Variants in MTG1 observed in about 807,000 individuals in gnomAD.
The protein encoded by MTG1 is mitochondrial ribosome-associated GTPase 1.
Under a neutral mutation model 39.5 loss-of-function variants are expected in MTG1, and 30 were observed. The ratio of observed to expected loss-of-function variants is 0.76; its 90% CI spans 0.57 to 1.03. MTG1 has a LOEUF of 1.03. Ranked by LOEUF, MTG1 falls within the 50% of genes least tolerant of loss-of-function variation. MTG1 has a pLI of 0.00. For synonymous variants in MTG1, 217 were observed against 179.0 expected (o/e 1.21, Z -1.69); for missense variants, 513 against 447.4 (o/e 1.15, Z -1.32).
intron 6 of MTG1, among the ~76,000 whole-genome samples, chr10:133,400,257 A>G (rs1026552259): frequency 1.3e-5 from 2 of 152,186 alleles, no homozygotes; most frequent in Non-Finnish European, 2.9e-5. Flanking sequence ...CGTGTGAAGT[A>G]GACGGGGCTG....
chr10:133,396,348 G>T, intron 3 of MTG1, 81 bp downstream of exon 3: 1 of 1,217,670 alleles, frequency 8.2e-7, no homozygotes, highest in Non-Finnish European at 1.2e-6. Flanking sequence ...AGAGTTGCCG[G>T]ACGCACACTT....
intron 9 of MTG1, 118 bp from the exon 10 acceptor site, chr10:133,419,362 C>A (rs1475083367): frequency 5.4e-6 from 4 of 740,752 alleles, no homozygotes; most frequent in Non-Finnish European, 6.6e-6. Context: ...CAGTCACTGT[C>A]ACCCACAGGA....
Position 133,402,666 on chromosome 10 carries a change from G to A in MTG1, c.671-26G>A. On this transcript the variant is annotated intron_variant, in intron 8 of 10. Transcript: ENST00000317502. The surrounding 1 kb of genome is among the most constrained non-coding windows in gnomAD (Gnocchi z 4.7). ...GAACATAGATGTGGCTGTTTCCAGT[G>A]CTCACCTCGGCTGCTGCTTCCACAG... The A allele has an allele frequency of 6.3e-7, 1 of 1,580,318 alleles. No homozygotes were observed. Among genetic ancestry groups the A allele is most frequent in the Middle Eastern group, 1.8e-4 (1 of 5,640 alleles).
chr10:133,399,694 T>C, intron 6 of MTG1, 75 bp downstream of exon 6: 1 of 1,483,300 alleles, frequency 6.7e-7, no homozygotes. Context: ...CCACCATCTT[T>C]CTTGGAGGGG....
chr10:133,399,523 GC>G lies in MTG1; in HGVS notation c.421-5del. On this transcript the variant is annotated splice_polypyrimidine_tract_variant and splice_region_variant and intron_variant, in intron 5 of 10. Coordinates refer to ENST00000317502, the MANE Select transcript of MTG1 (RefSeq NM_138384.4). ...GGCCCTGTGACCCCTCTCTCTGCCT[GC>G]GCAGAACCTGGAGTACTGTATCATG... 6.2e-7 allele frequency: 1 copy of G among 1,613,850 alleles called. No homozygotes were observed. Among genetic ancestry groups the G allele is most frequent in the Non-Finnish European group, 8.5e-7 (1 of 1,179,768 alleles).
intron 7 of MTG1, 149 bp downstream of exon 7, chr10:133,401,739 GC>G (rs1383971290): frequency 1.3e-6 from 1 of 771,138 alleles, no homozygotes; most frequent in Non-Finnish European, 2.2e-6. Flanking sequence ...GGCAGGCACT[GC>G]CCCTGCCCTT....
At position 133,402,790 on chromosome 10, in the gene MTG1, C is replaced by A; in HGVS notation, c.752+17C>A. The stretch of plus-strand genomic sequence containing the variant: ...GCGCTTTGGGTGAGTGCAGTGAATG[C>A]AGGGCAGCTGGGGCCCCTCCTCCTA... On this transcript the variant is annotated intron_variant, in intron 9 of 10. Transcript: ENST00000317502. This position sits in a 1 kb window ranked among gnomAD's most constrained non-coding sequence, Gnocchi z 4.7. 2.5e-6 allele frequency: 4 copies of A among 1,578,660 alleles called. No homozygotes were observed. The highest frequency in any genetic ancestry group is 3.4e-6 in the Non-Finnish European group (4 of 1,161,382).
rs1330399644 is a variant in MTG1, at chr10:133,401,573, G to A, written c.556G>A (p.Val186Met). Reference sequence around the variant, plus strand: ...TGGCGAGCCTGGGATCACCAGAGCTGTGATGTCCAAAATTCAGGTGGAGTC... The same window carrying A: ...TGGCGAGCCTGGGATCACCAGAGCTATGATGTCCAAAATTCAGGTGGAGTC... The part of the protein sequence containing the change: ...VGGEPGITRA[V>M]MSKIQVSERP... The change falls in exon 7 of 11, where the codon GTG becomes ATG. Residue 186 changes from valine (V) to methionine (M), a missense_variant. Coordinates refer to ENST00000317502, the MANE Select transcript of MTG1 (RefSeq NM_138384.4). The A allele has an allele frequency of 4.3e-6, 7 of 1,611,490 alleles. No homozygotes were observed. Among genetic ancestry groups the A allele is most frequent in the South Asian group, 1.1e-5 (1 of 90,902 alleles).
In MTG1 at chr10:133,394,515, C is replaced by T. The variant is rs944051787; in HGVS notation, c.112+183C>T. The T allele has an allele frequency of 3.8e-5, 50 of 1,330,742 alleles. 1 individual carries two copies. In the South Asian group the frequency reaches 7.5e-4, roughly 20 times the overall value. 82.4% of individuals were successfully genotyped at this position (1,330,742 alleles called of 1,614,324 possible). ...CCCGGAGCCGCCGGGACCCCTTCCC[C>T]TGCGCAGCTGCGGGAGAGGCCCGTT... On this transcript the variant is annotated intron_variant, in intron 1 of 10. Coordinates refer to ENST00000317502, the MANE Select transcript of MTG1 (RefSeq NM_138384.4).
At position 133,399,355 on chromosome 10, in the gene MTG1, C is replaced by T; in HGVS notation, c.420+129C>T. On this transcript the variant is annotated intron_variant, in intron 5 of 10. Coordinates refer to ENST00000317502, the MANE Select transcript of MTG1 (RefSeq NM_138384.4). Reference sequence around the variant, plus strand: ...GAGGCCCCTCCTTTGTCCTCTCATTCTCTTCAGTGGAAAGGGCCGAGGCCG... The same window carrying T: ...GAGGCCCCTCCTTTGTCCTCTCATTTTCTTCAGTGGAAAGGGCCGAGGCCG... The T allele has an allele frequency of 3.2e-6, 4 of 1,264,598 alleles. No homozygotes were observed. In the South Asian group the frequency reaches 4.9e-5, roughly 16 times the overall value. The allele number at this position is 1,264,598 out of a possible 1,614,324, so 78.3% of individuals were successfully genotyped here.
chr10:133,415,699 TC>T (rs1225965490), intron 9 of MTG1, among the ~76,000 whole-genome samples: 1 of 152,252 alleles, frequency 6.6e-6, no homozygotes, highest in Non-Finnish European at 1.5e-5. Context: ...TTCTATGTGT[TC>T]CTTGTGCTTG....
intron 3 of MTG1, among the ~76,000 whole-genome samples, chr10:133,397,770 G>A (rs951873696): frequency 1.4e-5 from 2 of 137,978 alleles, no homozygotes; most frequent in Non-Finnish European, 1.5e-5. Flanking sequence ...GAGTCACTGC[G>A]TCCAGCCTGT....
intron 3 of MTG1, among the ~76,000 whole-genome samples, 200 bp downstream of exon 3, chr10:133,396,467 C>G (rs887903609): frequency 2.6e-5 from 4 of 152,188 alleles, no homozygotes; most frequent in African/African-American, 4.8e-5. Flanking sequence ...TGGTTCGTGA[C>G]CTGGACACCC....
At chr10:133,394,779 GC>G in intron 1 of MTG1, 1 of 972,014 alleles carries the variant, frequency 1.0e-6, no homozygotes, top group Non-Finnish European at 1.2e-6. Flanking sequence ...TCGTTCTCCT[GC>G]TTAACGTCTT....
At chr10:133,398,542 G>C in intron 4 of MTG1, 27 bp downstream of exon 4, 1 of 1,600,970 alleles carries the variant, frequency 6.2e-7, no homozygotes, top group Non-Finnish European at 8.5e-7. Context: ...TGCTCTCTCT[G>C]ACGCTTCTGC....
intron 9 of MTG1, among the ~76,000 whole-genome samples, chr10:133,413,776 A>C (rs1049496306): frequency 3.9e-5 from 6 of 152,122 alleles, no homozygotes; most frequent in Non-Finnish European, 1.5e-5. Flanking sequence ...TTTTACCTTT[A>C]CATATTTTAT....
rs1472221653 is a variant in MTG1 at position 133,402,396 on chromosome 10, A to C, written c.670+151A>C. On this transcript the variant is annotated intron_variant, in intron 8 of 10. Transcript: ENST00000317502. The surrounding 1 kb of genome is among the most constrained non-coding windows in gnomAD (Gnocchi z 4.7). ...GACCTTCCTCGAAGCTTAGTGTGAG[A>C]GCTGTAATAGTGCACAGCTGACAGG... 1 of 871,018 alleles carries C rather than the reference A, an allele frequency of 1.1e-6. No individual in the cohort carries two copies. The highest frequency in any genetic ancestry group is 1.6e-5 in the African/African-American group (1 of 60,748). 54.0% of individuals were successfully genotyped at this position (871,018 alleles called of 1,614,324 possible). A position where few individuals can be genotyped will look rare whatever the true frequency, so the allele number is the denominator to read the frequency against.
intron 9 of MTG1, among the ~76,000 whole-genome samples, chr10:133,416,228 G>A (rs915684955): frequency 3.9e-5 from 6 of 151,930 alleles, no homozygotes; most frequent in Admixed American, 1.3e-4. Context: ...AGTTTGGATC[G>A]TTTTAAAAAA....
In MTG1 at chr10:133,420,114, G is replaced by A. The variant is rs966145699; in HGVS notation, c.954G>A (p.Met318Ile). ...TFRRGLLGSV[M>I]LDLDVLRGHP... Reference sequence around the variant, plus strand: ...GCCGTGGGCTGCTGGGTTCCGTGATGCTGGACCTCGACGTCCTGCGGGGCC... The same window carrying A: ...GCCGTGGGCTGCTGGGTTCCGTGATACTGGACCTCGACGTCCTGCGGGGCC... The change falls in exon 11 of 11, where the codon ATG becomes ATA. Residue 318 changes from methionine to isoleucine, a missense_variant. Transcript: ENST00000317502. The A allele has an allele frequency of 6.2e-6, 10 of 1,613,266 alleles. No homozygotes were observed. Among genetic ancestry groups the A allele is most frequent in the Non-Finnish European group, 7.6e-6 (9 of 1,179,776 alleles).
Sources: allele counts gnomAD v4.1 joint callset (sites outside exome capture counted in the v4.1 genomes callset), GRCh38; gene constraint gnomAD v4.1.1; non-coding constraint Gnocchi (gnomAD v3.1); transcripts MANE v1.5; gene names NCBI Gene and HGNC (gene_info 2026-07-23, HGNC 2026-07-21).